Variants in KCTD7 observed in about 807,000 individuals in gnomAD.
The protein encoded by KCTD7 is potassium channel tetramerization domain containing 7.
KCTD7 carries 15 observed loss-of-function variants against 27.0 expected under a neutral mutation model. The observed-to-expected ratio is 0.56, with a 90% CI of 0.37 to 0.86. The LOEUF (loss-of-function observed/expected upper bound fraction) is 0.86, where lower values mean the gene tolerates loss of function less well. KCTD7 is among the 40% of genes least tolerant of loss of function. The pLI is 0.00. For synonymous variants in KCTD7, 159 were observed against 162.7 expected, an observed-to-expected ratio of 0.98 and a Z score of 0.17; for missense variants, 299 against 398.9, an observed-to-expected ratio of 0.75 and a Z score of 2.13.
In KCTD7 at chr7:66,642,206, G is replaced by A. The variant is rs1562651467; in HGVS notation, c.*2974G>A. On this transcript the variant is annotated 3_prime_UTR_variant, in exon 4 of 4. Transcript: ENST00000639828. Reference sequence around the variant, plus strand: ...TGAAATGCATCCCACTCCAGGAGAGGAATTCTTAGCGTAACACTCTAAATA... The same window carrying A: ...TGAAATGCATCCCACTCCAGGAGAGAAATTCTTAGCGTAACACTCTAAATA... 1.0e-6 allele frequency: 1 copy of A among 985,400 alleles called. No homozygotes were observed. The highest frequency in any genetic ancestry group is 1.1e-4 in the East Asian group (1 of 8,814). The allele number at this position is 985,400 out of a possible 1,614,324, so 61.0% of individuals were successfully genotyped here.
chr7:66,632,858 G>A (rs549517913), intron 1 of KCTD7, among the ~76,000 whole-genome samples: 21 of 150,178 alleles, frequency 1.4e-4, no homozygotes, highest in African/African-American at 4.2e-4. Flanking sequence ...CCTGGCTAAC[G>A]CAGTGAAACC....
At chr7:66,633,177 A>G in intron 1 of KCTD7, 98 bp from the exon 2 acceptor site, 1 of 1,221,074 alleles carries the variant, frequency 8.2e-7, no homozygotes, top group Non-Finnish European at 1.2e-6. Flanking sequence ...GACTGAATGA[A>G]TGGTGTGGCA....
chr7:66,633,375 G>T lies in KCTD7; in HGVS notation c.245G>T (p.Ser82Ile). ...GACACCATGTTGGCAGCCATGTTCA[G>T]TGGGCGGCACTACATCCCCACGGAC... Reference protein sequence around the residue: ...YEDTMLAAMFSGRHYIPTDSE... With the variant: ...YEDTMLAAMFIGRHYIPTDSE... Residue 82 changes from serine to isoleucine, a missense_variant, in exon 2 of 4, where the codon AGT (serine) becomes ATT (isoleucine). Transcript: ENST00000639828. 1.9e-6 allele frequency: 3 copies of T among 1,614,080 alleles called. No homozygotes were observed. Among genetic ancestry groups the T allele is most frequent in the Non-Finnish European group, 2.5e-6 (3 of 1,179,984 alleles).
At chr7:66,633,714 G>A (rs148536467) in intron 2 of KCTD7, among the ~76,000 whole-genome samples, 116 of 151,186 alleles carry the variant, frequency 7.7e-4, no homozygotes, top group Middle Eastern at 3.4e-3. Flanking sequence ...TCAGCTCTGC[G>A]CGGTGCTCAT....
chr7:66,639,259 C>T lies in KCTD7; in HGVS notation c.*27C>T. The stretch of plus-strand genomic sequence containing the variant: ...TAGCCCCGGTAGGCGAGAGTCCCAT[C>T]AGGGAGGATGTCCACCTTGCTTGGT... On this transcript the variant is annotated 3_prime_UTR_variant, in exon 4 of 4. Transcript: ENST00000639828. 6.2e-7 allele frequency: 1 copy of T among 1,605,116 alleles called. No homozygotes were observed.
chr7:66,632,164 T>C (rs982107258), intron 1 of KCTD7, among the ~76,000 whole-genome samples: 5 of 152,078 alleles, frequency 3.3e-5, no homozygotes, highest in Non-Finnish European at 7.4e-5. Flanking sequence ...GCCACTAAAC[T>C]GTATGGTGTG....
chr7:66,632,879 T>TA (rs541701721), intron 1 of KCTD7, among the ~76,000 whole-genome samples: 1 of 113,886 alleles, frequency 8.8e-6, no homozygotes. Context: ...CCATCTCTAC[T>TA]AAAAAAATAT....
Position 66,642,941 on chromosome 7 carries a change from A to G in KCTD7, c.*3709A>G. 1 of 985,390 alleles carries G rather than the reference A, an allele frequency of 1.0e-6. No homozygotes were observed. The highest frequency in any genetic ancestry group is 1.2e-6 in the Non-Finnish European group (1 of 829,984). The allele number at this position is 985,390 out of a possible 1,614,324, so 61.0% of individuals were successfully genotyped here. ...CTTCCTTCTGTATGGTGTTGGGTTT[A>G]TGTACACACTATAACACTTCCTGTG... is the stretch of plus-strand genomic sequence containing the variant. On this transcript the variant is annotated 3_prime_UTR_variant, in exon 4 of 4. Coordinates refer to ENST00000639828, the MANE Select transcript of KCTD7 (RefSeq NM_153033.5).
Position 66,639,746 on chromosome 7 carries a change from A to G in KCTD7, c.*514A>G. On this transcript the variant is annotated 3_prime_UTR_variant, in exon 4 of 4. Transcript: ENST00000639828. ...AAGAAGAAAGAGCATCTTCTCTCCC[A>G]CTGCACCCCTTCTCCTCCAAGAATA... 1 of 1,251,702 alleles carries G rather than the reference A, an allele frequency of 8.0e-7. No individual in the cohort carries two copies. Among genetic ancestry groups the G allele is most frequent in the Non-Finnish European group, 1.0e-6 (1 of 999,212 alleles). 77.5% of individuals were successfully genotyped at this position (1,251,702 alleles called of 1,614,324 possible).
At chr7:66,629,362 G>GCCCCCCTGCACCCCTA (rs1786392225) in intron 1 of KCTD7, among the ~76,000 whole-genome samples, 154 bp downstream of exon 1, 1 of 33,650 alleles carries the variant, frequency 3.0e-5, no homozygotes, top group African/African-American at 1.1e-4. Flanking sequence ...CAACTCCCCC[G>GCCCCCCTGCACCCCTA]CCCACCTGCA....
In KCTD7 at chr7:66,640,948, G is replaced by A; in HGVS notation, c.*1716G>A. On this transcript the variant is annotated 3_prime_UTR_variant, in exon 4 of 4. Coordinates refer to ENST00000639828, the MANE Select transcript of KCTD7 (RefSeq NM_153033.5). ...CTGAAGTCTGTGTTCATATGAGGAA[G>A]AGAAGACCAAGCCCTGGGACTTTGG... 1 of 985,574 alleles carries A rather than the reference G, an allele frequency of 1.0e-6. No individual in the cohort carries two copies. Among genetic ancestry groups the A allele is most frequent in the South Asian group, 4.7e-5 (1 of 21,294 alleles). 61.1% of individuals were successfully genotyped at this position (985,574 alleles called of 1,614,324 possible). A position where few individuals can be genotyped will look rare whatever the true frequency, so the allele number is the denominator to read the frequency against.
In KCTD7 at chr7:66,638,987, TC is replaced by T; in HGVS notation, c.628del (p.Leu210CysfsTer63). 3.7e-6 allele frequency: 6 copies of T among 1,614,198 alleles called. No homozygotes were observed. Among genetic ancestry groups the T allele is most frequent in the Non-Finnish European group, 5.1e-6 (6 of 1,180,032 alleles). ...CCCCTATGAGTGTCCGCTCCTCAAC[TC>T]CCTGCGATTTGAGCGGAGTGAGAGT... ...ITPYECPLLN[S>X]LRFERSESDG... On this transcript the variant is annotated frameshift_variant, in exon 4 of 4. Transcript: ENST00000639828. LOFTEE classifies it high-confidence loss of function.
intron 2 of KCTD7, 127 bp downstream of exon 2, chr7:66,633,571 A>C: frequency 2.1e-6 from 2 of 939,632 alleles, no homozygotes; most frequent in Non-Finnish European, 3.3e-6. Flanking sequence ...AATTTAATAA[A>C]TGGGTTTATT....
At chr7:66,629,987 A>G (rs1166016532) in intron 1 of KCTD7, among the ~76,000 whole-genome samples, 1 of 152,210 alleles carries the variant, frequency 6.6e-6, no homozygotes, top group East Asian at 1.9e-4. Flanking sequence ...AGACGGGAGA[A>G]GATACCAGGC....
Position 66,633,127 on chromosome 7 carries a change from A to G in KCTD7, c.145-148A>G, listed in dbSNP as rs375139826. On this transcript the variant is annotated intron_variant, in intron 1 of 3. Transcript: ENST00000639828. ...ATGATGAGGGTGGGGCAGAGGGAGG[A>G]GAGAGAAGAAAGTGTTCAGATGGAC... The G allele has an allele frequency of 8.0e-6, 6 of 750,540 alleles. No individual in the cohort carries two copies. In the East Asian group the frequency reaches 1.1e-4, roughly 13 times the overall value. 46.5% of individuals were successfully genotyped at this position (750,540 alleles called of 1,614,324 possible).
At chr7:66,636,497 G>A (rs9791892) in intron 2 of KCTD7, among the ~76,000 whole-genome samples, 98,939 of 149,674 alleles carry the variant, frequency 0.66, 32,925 homozygotes, top group African/African-American at 0.76. Flanking sequence ...AATACTTAGC[G>A]AGTGTTAGCT....
intron 3 of KCTD7, 183 bp from the exon 4 acceptor site, chr7:66,638,673 G>C: frequency 1.2e-6 from 1 of 817,916 alleles, no homozygotes; most frequent in Non-Finnish European, 1.9e-6. Context: ...GCTTCCCTTT[G>C]CTGTGGAGAA....
At chr7:66,633,513 C>T in intron 2 of KCTD7, 69 bp downstream of exon 2, 1 of 1,399,522 alleles carries the variant, frequency 7.1e-7, no homozygotes. Flanking sequence ...GAGTATGGGA[C>T]CTTGATATCT....
chr7:66,637,731 G>C (rs906588082), intron 2 of KCTD7, among the ~76,000 whole-genome samples: 1 of 151,998 alleles, frequency 6.6e-6, no homozygotes, highest in Admixed American at 6.6e-5. Context: ...GCTTCCGTAG[G>C]GATTAACTGG....
Sources: allele counts gnomAD v4.1 joint callset (sites outside exome capture counted in the v4.1 genomes callset), GRCh38; gene constraint gnomAD v4.1.1; transcripts MANE v1.5; gene names NCBI Gene and HGNC (gene_info 2026-07-23, HGNC 2026-07-21).